The following NUP54 variants were observed in gnomAD, a reference collection of about 807,000 sequenced individuals.
The protein encoded by NUP54 is nucleoporin p54.
A neutral mutation model predicts 66.4 loss-of-function variants in NUP54; 27 were observed. The observed-to-expected ratio is 0.41, with a 90% CI of 0.30 to 0.56. The LOEUF (loss-of-function observed/expected upper bound fraction) is 0.56. NUP54 is among the 20% of genes least tolerant of loss of function. The pLI is 0.34. For missense variants in NUP54, 486 were observed against 596.3 expected (o/e 0.82, Z 1.93); for synonymous variants, 206 against 210.7 (o/e 0.98, Z 0.19).
intron 10 of NUP54, 93 bp downstream of exon 10, chr4:76,117,982 A>C: frequency 1.5e-6 from 2 of 1,302,794 alleles, no homozygotes; most frequent in South Asian, 1.3e-5. Context: ...AAGAAACACA[A>C]GTATACAAAA....
chr4:76,148,249 A>G, intron 1 of NUP54, 59 bp downstream of exon 1: 10 of 1,158,366 alleles, frequency 8.6e-6, no homozygotes, highest in Non-Finnish European at 1.1e-5. Flanking sequence ...TCTCGGACAG[A>G]GGGGGCGGAC....
At chr4:76,129,877 A>G (rs1392940704) in intron 8 of NUP54, among the ~76,000 whole-genome samples, 1 of 145,140 alleles carries the variant, frequency 6.9e-6, no homozygotes, top group African/African-American at 2.5e-5. Flanking sequence ...AAAAAAAAAA[A>G]AAAAAAAAAA....
intron 8 of NUP54, among the ~76,000 whole-genome samples, chr4:76,129,722 G>A (rs1044129532): frequency 2.0e-5 from 3 of 151,662 alleles, no homozygotes; most frequent in African/African-American, 7.3e-5. Context: ...AAAATTAGCC[G>A]GGCGTGGTGG....
chr4:76,146,337 C>T (rs1008566000), intron 1 of NUP54, among the ~76,000 whole-genome samples: 2 of 152,138 alleles, frequency 1.3e-5, no homozygotes, highest in African/African-American at 4.8e-5. Flanking sequence ...TTCAGAAACA[C>T]AAATTTCAAA....
intron 3 of NUP54, among the ~76,000 whole-genome samples, chr4:76,137,537 T>C (rs909520651): frequency 6.6e-6 from 1 of 152,158 alleles, no homozygotes; most frequent in African/African-American, 2.4e-5. Context: ...TTACTAAACA[T>C]TTTCCTTTCT....
intron 3 of NUP54, among the ~76,000 whole-genome samples, chr4:76,143,588 A>G (rs1560692772): frequency 6.6e-6 from 1 of 152,184 alleles, no homozygotes; most frequent in African/African-American, 2.4e-5. Flanking sequence ...TGGGCGACAG[A>G]GCAAGACTCC....
chr4:76,118,217 T>C (rs772447378), intron 9 of NUP54, 23 bp from the exon 10 acceptor site: 3 of 1,604,938 alleles, frequency 1.9e-6, no homozygotes, highest in South Asian at 1.1e-5. Flanking sequence ...AAACCACCAA[T>C]AACAACAGAA....
At chr4:76,123,294 G>A (rs772054216) in intron 9 of NUP54, among the ~76,000 whole-genome samples, 1 of 152,086 alleles carries the variant, frequency 6.6e-6, no homozygotes, top group Admixed American at 6.6e-5. Context: ...AATAACACTG[G>A]ATTAGCTCTT....
intron 8 of NUP54, among the ~76,000 whole-genome samples, chr4:76,127,989 T>C (rs1027712838): frequency 2.0e-5 from 3 of 152,136 alleles, no homozygotes; most frequent in African/African-American, 7.2e-5. Context: ...GAATTTAAAG[T>C]ACCAATAAAC....
At chr4:76,118,543 G>A (rs1411392250) in intron 9 of NUP54, 1 of 105,290 alleles carries the variant, frequency 9.5e-6, no homozygotes, top group Non-Finnish European at 1.7e-5. Flanking sequence ...ACCGCACCTG[G>A]TTACATTTTT....
At chr4:76,130,858 T>C in intron 7 of NUP54, 109 bp from the exon 8 acceptor site, 2 of 724,918 alleles carry the variant, frequency 2.8e-6, no homozygotes, top group Non-Finnish European at 4.9e-6. Flanking sequence ...TTTCTAGGGC[T>C]CTAAGGCAGA....
chr4:76,136,795 G>A (rs1239570167), intron 3 of NUP54, among the ~76,000 whole-genome samples: 1 of 152,152 alleles, frequency 6.6e-6, no homozygotes, highest in African/African-American at 2.4e-5. Flanking sequence ...TTCTCCCTTA[G>A]TGCCTCTAGA....
chr4:76,130,574 A>T, intron 8 of NUP54, 82 bp downstream of exon 8: 1 of 879,220 alleles, frequency 1.1e-6, no homozygotes, highest in Non-Finnish European at 1.9e-6. Flanking sequence ...ATAAAACAGT[A>T]GCACATATAC....
At chr4:76,125,316 TCACACA>T (rs34954421) in intron 8 of NUP54, among the ~76,000 whole-genome samples, 68 of 125,380 alleles carry the variant, frequency 5.4e-4, no homozygotes, top group South Asian at 1.1e-3. Flanking sequence ...TGAGACTCCA[TCACACA>T]CACACACACA....
At chr4:76,146,974 A>T (rs926006652) in intron 1 of NUP54, among the ~76,000 whole-genome samples, 1 of 152,246 alleles carries the variant, frequency 6.6e-6, no homozygotes, top group African/African-American at 2.4e-5. Flanking sequence ...ATAGTATCCT[A>T]ATCTGCTGAG....
chr4:76,144,391 A>T lies in NUP54; in HGVS notation c.150T>A (p.Thr50=). Residue 50 remains threonine (T), a splice_region_variant and synonymous_variant, in exon 2 of 12, where the codon ACT becomes ACA. Transcript: ENST00000264883. ...SFSAPTNTGT[T]GLFGGTQNKG... ...GAATGACTTAAGATGGCCTCTTACC[A>T]GTAGTGCCTGTGTTAGTTGGGGCAG... 1 of 1,606,586 alleles carries T rather than the reference A, an allele frequency of 6.2e-7. No homozygotes were observed.
intron 8 of NUP54, among the ~76,000 whole-genome samples, chr4:76,125,318 A>AT (rs1730426517): frequency 1.8e-5 from 1 of 54,854 alleles, no homozygotes; most frequent in African/African-American, 9.0e-5. Flanking sequence ...AGACTCCATC[A>AT]CACACACACA....
chr4:76,145,126 G>T (rs947091763), intron 1 of NUP54, among the ~76,000 whole-genome samples: 2 of 151,688 alleles, frequency 1.3e-5, no homozygotes, highest in Admixed American at 1.3e-4. Flanking sequence ...AGACCATCCT[G>T]GCTAACACGG....
In NUP54 at chr4:76,118,135, C is replaced by T. The variant is rs752395529; in HGVS notation, c.1224G>A (p.Glu408=). ...KSGYAIQADE[E]QLRVQLDTIQ... ...TCGTATCCAGCTGAACTCGCAACTG[C>T]TCTTCATCAGCCTGAATGGCATAAC... The change falls in exon 10 of 12, where the codon GAG becomes GAA. Residue 408 remains glutamate (E), a synonymous_variant. Coordinates refer to ENST00000264883, the MANE Select transcript of NUP54 (RefSeq NM_017426.4). The T allele has an allele frequency of 8.1e-6, 13 of 1,613,558 alleles. No homozygotes were observed. The highest frequency in any genetic ancestry group is 2.2e-5 in the South Asian group (2 of 91,082).
Sources: allele counts gnomAD v4.1 joint callset (sites outside exome capture counted in the v4.1 genomes callset), GRCh38; gene constraint gnomAD v4.1.1; transcripts MANE v1.5; gene names NCBI Gene and HGNC (gene_info 2026-07-23, HGNC 2026-07-21).